Variants in PPP6R3 observed in about 807,000 individuals in gnomAD.
PPP6R3 encodes the protein protein phosphatase 6 regulatory subunit 3, also known as serine/threonine-protein phosphatase 6 regulatory subunit 3.
In PPP6R3, 38 loss-of-function variants were observed where a neutral mutation model predicts 110.7. The ratio of observed to expected loss-of-function variants is 0.34; its 90% CI spans 0.26 to 0.45. PPP6R3 has a LOEUF of 0.45. Ranked by LOEUF, PPP6R3 falls within the 20% of genes least tolerant of loss-of-function variation. The pLI, the probability that PPP6R3 is intolerant of heterozygous loss-of-function variation, is 1.00. For synonymous variants in PPP6R3, 369 were observed against 373.5 expected (o/e 0.99, Z 0.14); for missense variants, 870 against 1,062.4 (o/e 0.82, Z 2.52).
chr11:68,613,997 A>G lies in PPP6R3; in HGVS notation c.*880A>G, dbSNP rs1288852916. 2.1e-5 allele frequency: 21 copies of G among 980,946 alleles called. No homozygotes were observed. The highest frequency in any genetic ancestry group is 2.5e-5 in the Non-Finnish European group (21 of 829,060). 60.8% of individuals were successfully genotyped at this position (980,946 alleles called of 1,614,324 possible). On this transcript the variant is annotated 3_prime_UTR_variant, in exon 24 of 24. Transcript: ENST00000393800. Reference sequence around the variant, plus strand: ...CCCATTCACCAAAATTTACCTTGTTAACAAGCATCACCAATGAACATTTCA... The same window carrying G: ...CCCATTCACCAAAATTTACCTTGTTGACAAGCATCACCAATGAACATTTCA...
chr11:68,520,280 T>A (rs948863293), intron 2 of PPP6R3, among the ~76,000 whole-genome samples: 1 of 152,224 alleles, frequency 6.6e-6, no homozygotes, highest in African/African-American at 2.4e-5. Flanking sequence ...TCTACCTTCC[T>A]GAACTGGTGC....
chr11:68,509,676 A>G (rs1429743379), intron 1 of PPP6R3, among the ~76,000 whole-genome samples: 3 of 151,350 alleles, frequency 2.0e-5, no homozygotes, highest in African/African-American at 7.3e-5. Flanking sequence ...CTATGGCACA[A>G]TCTTGGCTCA....
intron 8 of PPP6R3, among the ~76,000 whole-genome samples, chr11:68,563,736 A>C (rs931516833): frequency 1.3e-5 from 2 of 152,234 alleles, no homozygotes; most frequent in African/African-American, 4.8e-5. Context: ...AAACATTCAT[A>C]ATGTCACCCA....
At chr11:68,511,848 G>A (rs1205433591) in intron 1 of PPP6R3, among the ~76,000 whole-genome samples, 1 of 151,914 alleles carries the variant, frequency 6.6e-6, no homozygotes, top group African/African-American at 2.4e-5. Context: ...CAGACTTTTA[G>A]CCAGTTACAT....
At chr11:68,472,014 A>G (rs533973599) in intron 1 of PPP6R3, among the ~76,000 whole-genome samples, 2 of 152,162 alleles carry the variant, frequency 1.3e-5, no homozygotes, top group Non-Finnish European at 2.9e-5. Context: ...GAAGTATGAC[A>G]TACTCTGTGG....
intron 23 of PPP6R3, 85 bp downstream of exon 23, chr11:68,610,108 A>G (rs968535979): frequency 2.8e-5 from 43 of 1,546,154 alleles, no homozygotes; most frequent in Non-Finnish European, 3.6e-5. Context: ...GACTATAGGG[A>G]TCGTTTACAG....
At chr11:68,531,213 G>C (rs1371966200) in intron 2 of PPP6R3, among the ~76,000 whole-genome samples, 1 of 152,130 alleles carries the variant, frequency 6.6e-6, no homozygotes, top group Admixed American at 6.5e-5. Context: ...GCTGTCAGCA[G>C]TGGTTTAAAA....
At chr11:68,531,908 T>C (rs114164274) in intron 2 of PPP6R3, among the ~76,000 whole-genome samples, 3,260 of 152,152 alleles carry the variant, frequency 0.021, 127 homozygotes, top group African/African-American at 0.074. Context: ...CTAGAAGAGG[T>C]TGAGAGGATT....
intron 12 of PPP6R3, among the ~76,000 whole-genome samples, chr11:68,572,863 C>T (rs914846720): frequency 2.0e-5 from 3 of 151,596 alleles, no homozygotes; most frequent in African/African-American, 7.3e-5. Context: ...CAACCCTGTA[C>T]TTCTTACCCT....
intron 1 of PPP6R3, among the ~76,000 whole-genome samples, chr11:68,471,157 G>A (rs2098788753): frequency 6.6e-6 from 1 of 151,792 alleles, no homozygotes; most frequent in African/African-American, 2.4e-5. Context: ...AGTGGTGGGT[G>A]CCTGTAGTTC....
At chr11:68,542,392 T>TTTTTTTTG (rs1406027081) in intron 3 of PPP6R3, among the ~76,000 whole-genome samples, 12 of 99,138 alleles carry the variant, frequency 1.2e-4, no homozygotes, top group Non-Finnish European at 1.8e-4. Context: ...AGCTGCTGTT[T>TTTTTTTTG]TTTTTTTTTT....
At chr11:68,612,404 T>C (rs953027864) in intron 23 of PPP6R3, among the ~76,000 whole-genome samples, 1 of 152,210 alleles carries the variant, frequency 6.6e-6, no homozygotes, top group Admixed American at 6.5e-5. Flanking sequence ...TTCCCAAGTC[T>C]GCTTGATACA....
intron 22 of PPP6R3, among the ~76,000 whole-genome samples, chr11:68,606,576 A>G (rs753804341): frequency 3.3e-5 from 5 of 149,858 alleles, no homozygotes; most frequent in African/African-American, 7.4e-5. Context: ...TCCACCTCCC[A>G]AAGTGCTGGG....
chr11:68,471,216 G>A lies in PPP6R3; in HGVS notation c.-158+10389G>A, dbSNP rs540212668. ...GGAGAGTGGCATGAACCCGGGAGGT[G>A]GAGTTTGCAGTGAGCTGAGATCGCG... On this transcript the variant is annotated intron_variant, in intron 1 of 23. Coordinates refer to ENST00000393800, the MANE Select transcript of PPP6R3 (RefSeq NM_001164161.2). Among the ~76,000 whole-genome samples, 23 of 151,284 alleles carry A rather than the reference G, an allele frequency of 1.5e-4. No homozygotes were observed. The East Asian group carries it at 2.1e-3, about 14-fold the overall frequency.
intron 1 of PPP6R3, among the ~76,000 whole-genome samples, chr11:68,477,715 A>G (rs1231825025): frequency 4.6e-5 from 6 of 129,274 alleles, no homozygotes; most frequent in Admixed American, 8.5e-5. Flanking sequence ...AGACAGAGAG[A>G]GACATTGTCT....
chr11:68,558,376 G>A (rs1270009614), intron 7 of PPP6R3, 190 bp from the exon 8 acceptor site: 5 of 402,086 alleles, frequency 1.2e-5, no homozygotes, highest in East Asian at 4.7e-5. Flanking sequence ...GTTTGTGTGC[G>A]GGTGCATGTG....
At chr11:68,485,276 T>C (rs1591816336) in intron 1 of PPP6R3, among the ~76,000 whole-genome samples, 1 of 140,402 alleles carries the variant, frequency 7.1e-6, no homozygotes, top group East Asian at 2.0e-4. Flanking sequence ...TCTGGGACTT[T>C]TTTTTTTTTT....
intron 1 of PPP6R3, among the ~76,000 whole-genome samples, chr11:68,479,286 A>T (rs140857454): frequency 1.3e-3 from 198 of 152,232 alleles, no homozygotes; most frequent in African/African-American, 4.6e-3. Context: ...GGGGGCTGGG[A>T]GGGTCTTTTT....
At position 68,519,490 on chromosome 11, in the gene PPP6R3, T is replaced by G. The variant is rs763398927; in HGVS notation, c.-157-11T>G. 1.8e-5 allele frequency: 7 copies of G among 397,858 alleles called. No homozygotes were observed. The highest frequency in any genetic ancestry group is 3.1e-5 in the Non-Finnish European group (7 of 225,734). The allele number at this position is 397,858 out of a possible 1,614,324, so 24.6% of individuals were successfully genotyped here. ...CATATGTGATTATCTGCTTTTTTTT[T>G]TCTTTTACAGGAGAGCTTGTTTCAT... On this transcript the variant is annotated splice_polypyrimidine_tract_variant and intron_variant, in intron 1 of 23. Transcript: ENST00000393800.
Sources: allele counts gnomAD v4.1 joint callset (sites outside exome capture counted in the v4.1 genomes callset), GRCh38; gene constraint gnomAD v4.1.1; transcripts MANE v1.5; gene names NCBI Gene and HGNC (gene_info 2026-07-23, HGNC 2026-07-21).